Variants in FERMT2 observed in about 807,000 individuals in gnomAD.
The protein encoded by FERMT2 is fermitin family homolog 2.
In FERMT2, 15 loss-of-function variants were observed where a neutral mutation model predicts 82.7. The observed-to-expected ratio is 0.18, with a 90% CI of 0.12 to 0.28. The LOEUF (loss-of-function observed/expected upper bound fraction) is 0.28. Ranked by LOEUF, FERMT2 falls within the 10% of genes least tolerant of loss-of-function variation. The pLI, the probability that FERMT2 is intolerant of heterozygous loss-of-function variation, is 1.00. For synonymous variants in FERMT2, 274 were observed against 271.5 expected (o/e 1.01, Z -0.09); for missense variants, 645 against 809.4 (o/e 0.80, Z 2.46).
At chr14:52,869,013 C>T (rs1470983208) in intron 10 of FERMT2, among the ~76,000 whole-genome samples, 1 of 152,066 alleles carries the variant, frequency 6.6e-6, no homozygotes, top group Non-Finnish European at 1.5e-5. Flanking sequence ...CAGGACCTGA[C>T]CTCTTAGTTA....
At chr14:52,886,549 A>G (rs2139518210) in intron 4 of FERMT2, among the ~76,000 whole-genome samples, 1 of 152,322 alleles carries the variant, frequency 6.6e-6, no homozygotes, top group Admixed American at 6.5e-5. Flanking sequence ...AAAACAGGTA[A>G]ATATACTTTT....
intron 10 of FERMT2, among the ~76,000 whole-genome samples, chr14:52,869,956 T>C (rs961641382): frequency 1.3e-5 from 2 of 151,830 alleles, no homozygotes; most frequent in African/African-American, 4.8e-5. Flanking sequence ...AGGTTAAAAA[T>C]AAAAAATAAA....
At chr14:52,931,352 G>C (rs1441399595) in intron 2 of FERMT2, among the ~76,000 whole-genome samples, 2 of 152,216 alleles carry the variant, frequency 1.3e-5, no homozygotes, top group Non-Finnish European at 2.9e-5. Flanking sequence ...GGTCTTAAAA[G>C]ATGTGGGAGT....
chr14:52,881,006 A>C, intron 6 of FERMT2, 30 bp downstream of exon 6: 2 of 1,428,604 alleles, frequency 1.4e-6, no homozygotes, highest in South Asian at 2.5e-5. Context: ...TAATGGGGAA[A>C]AAAAAAAGAT....
intron 2 of FERMT2, among the ~76,000 whole-genome samples, chr14:52,925,053 C>T (rs1889175236): frequency 6.6e-6 from 1 of 152,184 alleles, no homozygotes; most frequent in Non-Finnish European, 1.5e-5. Flanking sequence ...CTTTATATCA[C>T]ACTACCTATC....
At chr14:52,868,715 T>A (rs1330455220) in intron 10 of FERMT2, among the ~76,000 whole-genome samples, 2 of 152,126 alleles carry the variant, frequency 1.3e-5, no homozygotes, top group Non-Finnish European at 2.9e-5. Flanking sequence ...CCAGGTGTAG[T>A]GGTGTGCACC....
chr14:52,928,283 C>T, intron 2 of FERMT2: 1 of 201,430 alleles, frequency 5.0e-6, no homozygotes, highest in Admixed American at 5.0e-5. Context: ...GGGCACGTGA[C>T]TTATTTCTGA....
In FERMT2 at chr14:52,881,750, G is replaced by T. The variant is rs1469011472; in HGVS notation, c.527-281C>A. On this transcript the variant is annotated intron_variant, in intron 4 of 14. Transcript: ENST00000341590. ...ATTAGAAAATAAGGATATAGCTGAAGCAGACAGACCAACACTTTTTGTCTT... is the reference window on the plus strand; with the variant it reads ...ATTAGAAAATAAGGATATAGCTGAATCAGACAGACCAACACTTTTTGTCTT... 3 of 1,336,000 alleles carry T rather than the reference G, an allele frequency of 2.2e-6. No homozygotes were observed. The Admixed American group carries it at 6.9e-5, about 31-fold the overall frequency. 82.8% of individuals were successfully genotyped at this position (1,336,000 alleles called of 1,614,324 possible).
intron 2 of FERMT2, among the ~76,000 whole-genome samples, chr14:52,929,878 G>A (rs1157126803): frequency 6.6e-6 from 1 of 152,106 alleles, no homozygotes; most frequent in Admixed American, 6.5e-5. Flanking sequence ...TGTCTAAGAA[G>A]ACAAAGGCAA....
intron 9 of FERMT2, chr14:52,873,555 C>G (rs927529999): frequency 6.6e-6 from 1 of 152,428 alleles, no homozygotes; most frequent in African/African-American, 2.4e-5. Flanking sequence ...ATGCCCTTAT[C>G]TCAGAAGTTC....
At chr14:52,904,087 T>C (rs1887837049) in intron 3 of FERMT2, among the ~76,000 whole-genome samples, 1 of 152,200 alleles carries the variant, frequency 6.6e-6, no homozygotes, top group South Asian at 2.1e-4. Context: ...GGAAAACTGC[T>C]TGAGCCCCCA....
chr14:52,933,497 G>A (rs1392540581), intron 2 of FERMT2, among the ~76,000 whole-genome samples: 2 of 151,828 alleles, frequency 1.3e-5, no homozygotes, highest in African/African-American at 4.8e-5. Flanking sequence ...AATCACCTAA[G>A]GTCGGGAGTT....
In FERMT2 at chr14:52,911,576, G is replaced by A. The variant is rs573214978; in HGVS notation, c.391+7547C>T. 4.4e-3 allele frequency among the ~76,000 whole-genome samples: 669 copies of A among 151,920 alleles called. 1 individual carries two copies. The highest frequency in any genetic ancestry group is 0.014 in the Middle Eastern group (4 of 294). ...TGAGGCAGGAGAATGGCGTGAACCCGGGAGGCAGAGCTTGCAGTGAGCCAA... is the reference window on the plus strand; with the variant it reads ...TGAGGCAGGAGAATGGCGTGAACCCAGGAGGCAGAGCTTGCAGTGAGCCAA... On this transcript the variant is annotated intron_variant, in intron 3 of 14. Transcript: ENST00000341590.
chr14:52,867,093 GCCT>G (rs936646313), intron 10 of FERMT2, among the ~76,000 whole-genome samples: 10 of 147,344 alleles, frequency 6.8e-5, no homozygotes, highest in African/African-American at 1.5e-4. Context: ...AAAAAGCTTT[GCCT>G]CCTTTTTTTT....
At chr14:52,881,729 G>A in intron 4 of FERMT2, 1 of 1,318,576 alleles carries the variant, frequency 7.6e-7, no homozygotes, top group South Asian at 1.3e-5. Flanking sequence ...AAGAGAATTA[G>A]AAAATAAGGA....
intron 6 of FERMT2, among the ~76,000 whole-genome samples, chr14:52,879,828 G>A (rs11845523): frequency 0.018 from 2,781 of 152,128 alleles, 75 homozygotes; most frequent in African/African-American, 0.063. Flanking sequence ...TGTTTTCTAC[G>A]GGGGAAAAAA....
At chr14:52,879,556 T>C (rs1330046009) in intron 6 of FERMT2, among the ~76,000 whole-genome samples, 3 of 152,246 alleles carry the variant, frequency 2.0e-5, no homozygotes, top group South Asian at 2.1e-4. Context: ...CCCTCACAAA[T>C]GTAACTATTC....
At chr14:52,912,018 A>G (rs1176974624) in intron 3 of FERMT2, among the ~76,000 whole-genome samples, 1 of 139,402 alleles carries the variant, frequency 7.2e-6, no homozygotes, top group South Asian at 2.3e-4. Flanking sequence ...CCAGTTCTTC[A>G]TGATGTTAAG....
chr14:52,950,845 G>C (rs545763696), intron 1 of FERMT2, 76 bp downstream of exon 1: 2 of 294,444 alleles, frequency 6.8e-6, no homozygotes, highest in South Asian at 1.3e-4. Flanking sequence ...CCGGCCCCGA[G>C]ACACAGCGCG....
Sources: allele counts gnomAD v4.1 joint callset (sites outside exome capture counted in the v4.1 genomes callset), GRCh38; gene constraint gnomAD v4.1.1; transcripts MANE v1.5; gene names NCBI Gene and HGNC (gene_info 2026-07-23, HGNC 2026-07-21).